Variants in CHRM3 observed in about 807,000 individuals in gnomAD.
The protein encoded by CHRM3 is muscarinic acetylcholine receptor M3.
A neutral mutation model predicts 41.8 loss-of-function variants in CHRM3; 11 were observed. That is an observed-to-expected ratio of 0.26 (90% CI 0.17 to 0.44). CHRM3 has a LOEUF of 0.44. Among genes scored for constraint, CHRM3 ranks in the 20% least tolerant of loss-of-function variants. The pLI, the probability that CHRM3 is intolerant of heterozygous loss-of-function variation, is 1.00. For synonymous variants in CHRM3, 297 were observed against 301.4 expected (o/e 0.99, Z 0.15); for missense variants, 571 against 745.4 (o/e 0.77, Z 2.72).
At chr1:239,571,106 T>C (rs1264798828) in intron 3 of CHRM3, among the ~76,000 whole-genome samples, 2 of 152,042 alleles carry the variant, frequency 1.3e-5, no homozygotes, top group African/African-American at 2.4e-5. Context: ...GAACTTTATC[T>C]GGATAACCCG....
At chr1:239,897,961 A>C (rs1679151127) in intron 6 of CHRM3, 1 of 152,204 alleles carries the variant, frequency 6.6e-6, no homozygotes, top group African/African-American at 2.4e-5. Context: ...AAACCCATGA[A>C]AAGTGGCAAC....
rs181317464 is a variant in CHRM3 at position 239,898,305 on chromosome 1, G to T, written c.-19-9128G>T. 43 of 152,222 alleles carry T rather than the reference G, an allele frequency of 2.8e-4. 1 individual carries two copies. Among genetic ancestry groups the T allele is most frequent in the Admixed American group, 1.4e-3 (22 of 15,284 alleles). 9.4% of individuals were successfully genotyped at this position (152,222 alleles called of 1,614,324 possible). A position where few individuals can be genotyped will look rare whatever the true frequency, so the allele number is the denominator to read the frequency against. On this transcript the variant is annotated intron_variant, in intron 6 of 6. Transcript: ENST00000676153. Reference sequence around the variant, plus strand: ...TTCAGCGCCTGCTGGCAGAGAGGTCGTTCTCCGAGTCTGCTTTGCCACCTA... The same window carrying T: ...TTCAGCGCCTGCTGGCAGAGAGGTCTTTCTCCGAGTCTGCTTTGCCACCTA...
At chr1:239,596,111 C>T (rs1193941137) in intron 3 of CHRM3, among the ~76,000 whole-genome samples, 1 of 152,112 alleles carries the variant, frequency 6.6e-6, no homozygotes, top group Non-Finnish European at 1.5e-5. Context: ...TTTATTAAAA[C>T]ATTTGAGGTC....
intron 1 of CHRM3, among the ~76,000 whole-genome samples, chr1:239,411,955 A>G (rs1234178010): frequency 6.6e-6 from 1 of 151,836 alleles, no homozygotes; most frequent in East Asian, 1.9e-4. Flanking sequence ...AATAGCAGGC[A>G]TAGACTACTG....
At chr1:239,819,529 T>G (rs574644734) in intron 5 of CHRM3, among the ~76,000 whole-genome samples, 5 of 152,266 alleles carry the variant, frequency 3.3e-5, no homozygotes, top group Non-Finnish European at 7.3e-5. Context: ...ACATACATAT[T>G]TAAGCAATCG....
chr1:239,634,080 T>A (rs1670171828), intron 4 of CHRM3, among the ~76,000 whole-genome samples: 1 of 152,180 alleles, frequency 6.6e-6, no homozygotes, highest in Non-Finnish European at 1.5e-5. Context: ...TGGTAGTAAG[T>A]GGCACAGGTG....
rs187280164 is a variant in CHRM3, at chr1:239,904,369, G to A, written c.-19-3064G>A. On this transcript the variant is annotated intron_variant, in intron 6 of 6. Transcript: ENST00000676153. ...TTTAAGAGGCACCCCAGACTCCCCA[G>A]TAGACCAATAGTAATAGTAGTTATT... Among the ~76,000 whole-genome samples, 341 of 152,306 alleles carry A rather than the reference G, an allele frequency of 2.2e-3. 3 individuals carry two copies. Among genetic ancestry groups the A allele is most frequent in the African/African-American group, 7.8e-3 (324 of 41,572 alleles).
intron 5 of CHRM3, among the ~76,000 whole-genome samples, chr1:239,771,564 C>T (rs1667677701): frequency 6.6e-6 from 1 of 152,174 alleles, no homozygotes. Flanking sequence ...CCTAAGTGGA[C>T]GTCAAGGCAG....
chr1:239,889,084 T>C (rs1205261934), intron 6 of CHRM3, among the ~76,000 whole-genome samples: 2 of 152,018 alleles, frequency 1.3e-5, no homozygotes, highest in Non-Finnish European at 2.9e-5. Context: ...AGAGTGGAAG[T>C]TTAACAGGCG....
intron 3 of CHRM3, among the ~76,000 whole-genome samples, chr1:239,630,948 G>T (rs1337965460): frequency 6.6e-6 from 1 of 152,076 alleles, no homozygotes; most frequent in East Asian, 1.9e-4. Context: ...AGTCTGAGAG[G>T]CCTTGCTTGG....
intron 6 of CHRM3, among the ~76,000 whole-genome samples, chr1:239,902,578 G>A (rs12036109): frequency 0.51 from 77,026 of 151,936 alleles, 19,946 homozygotes; most frequent in African/African-American, 0.6. Context: ...TTCTGTCTTC[G>A]TAGCTAGAAG....
In CHRM3 at chr1:239,872,019, T is replaced by A. The variant is rs1004536013; in HGVS notation, c.-19-35414T>A. ...AAATGAAAAATAATTGGCCCGTCAT[T>A]GTTCGAATAAACTTTGTAAGAAAGC... On this transcript the variant is annotated intron_variant, in intron 6 of 6. Transcript: ENST00000676153. Among the ~76,000 whole-genome samples, 7 of 152,206 alleles carry A rather than the reference T, an allele frequency of 4.6e-5. 1 individual carries two copies. Among genetic ancestry groups the A allele is most frequent in the Admixed American group, 4.6e-4 (7 of 15,276 alleles).
At chr1:239,708,946 G>A (rs1367266581) in intron 5 of CHRM3, among the ~76,000 whole-genome samples, 1 of 151,516 alleles carries the variant, frequency 6.6e-6, no homozygotes, top group Non-Finnish European at 1.5e-5. Context: ...CTGCTGAATT[G>A]TTTGACATGT....
At chr1:239,799,474 A>G (rs1226733304) in intron 5 of CHRM3, among the ~76,000 whole-genome samples, 1 of 152,136 alleles carries the variant, frequency 6.6e-6, no homozygotes, top group Non-Finnish European at 1.5e-5. Context: ...GGAACCAGGA[A>G]GCCCGCTCAT....
chr1:239,422,426 T>G (rs1662023720), intron 1 of CHRM3, among the ~76,000 whole-genome samples: 1 of 152,180 alleles, frequency 6.6e-6, no homozygotes, highest in Non-Finnish European at 1.5e-5. Context: ...GAACAAACAT[T>G]GGGAAAATAT....
At chr1:239,449,739 T>TGC (rs1664425587) in intron 1 of CHRM3, among the ~76,000 whole-genome samples, 1 of 150,118 alleles carries the variant, frequency 6.7e-6, no homozygotes, top group African/African-American at 2.5e-5. Context: ...TTCTGGTGTG[T>TGC]GTGTGTGTGT....
intron 3 of CHRM3, among the ~76,000 whole-genome samples, chr1:239,594,176 G>A (rs1664526652): frequency 6.6e-6 from 1 of 152,122 alleles, no homozygotes; most frequent in Non-Finnish European, 1.5e-5. Flanking sequence ...ACTTCATATT[G>A]ACTTGTTTGA....
chr1:239,689,104 A>G (rs1659459971), intron 5 of CHRM3, among the ~76,000 whole-genome samples: 1 of 151,666 alleles, frequency 6.6e-6, no homozygotes, highest in Non-Finnish European at 1.5e-5. Context: ...AAAGTATACT[A>G]CCTTCTTTCT....
chr1:239,843,322 G>A (rs571298827), intron 6 of CHRM3, among the ~76,000 whole-genome samples: 1 of 151,894 alleles, frequency 6.6e-6, no homozygotes, highest in East Asian at 1.9e-4. Context: ...TGCTTTTGTA[G>A]CTCCCAGGGA....
Sources: gnomAD v4.1 joint callset for allele counts (sites outside exome capture counted in the v4.1 genomes callset) on GRCh38, gnomAD v4.1.1 for gene constraint, MANE v1.5 for transcripts, NCBI Gene and HGNC (gene_info 2026-07-23, HGNC 2026-07-21) for gene names.